The following NEBL variants were observed in gnomAD, a reference collection of about 807,000 sequenced individuals.
NEBL encodes the protein nebulette.
Under a neutral mutation model 140.2 loss-of-function variants are expected in NEBL, and 122 were observed. The ratio of observed to expected loss-of-function variants is 0.87; its 90% CI spans 0.75 to 1.01. The LOEUF is 1.01. Ranked by LOEUF, NEBL falls within the 50% of genes least tolerant of loss-of-function variation. The pLI is 0.00. For synonymous variants in NEBL, 436 were observed against 398.9 expected, an observed-to-expected ratio of 1.09 and a Z score of -1.11; for missense variants, 1,365 against 1,231.3, an observed-to-expected ratio of 1.11 and a Z score of -1.62.
At chr10:20,965,134 C>T (rs1432170214) in intron 3 of NEBL, among the ~76,000 whole-genome samples, 1 of 152,210 alleles carries the variant, frequency 6.6e-6, no homozygotes, top group East Asian at 1.9e-4. Flanking sequence ...CAAATCTTTA[C>T]TGAGCACCTA....
Position 20,947,712 on chromosome 10 carries a change from CA to C in NEBL, c.357+13959del, listed in dbSNP as rs1349539821. On this transcript the variant is annotated intron_variant, in intron 4 of 6. Transcript: ENST00000417816. Reference sequence around the variant, plus strand: ...ACACACACACACACACACACACACACACACAGTGTCAGGAGACAAAAGGGTA... The same window carrying C: ...ACACACACACACACACACACACACACCACAGTGTCAGGAGACAAAAGGGTA... Among the ~76,000 whole-genome samples the C allele has an allele frequency of 2.6e-5, 4 of 151,828 alleles. No homozygotes were observed. In the South Asian group the frequency reaches 8.3e-4, roughly 32 times the overall value.
chr10:21,095,422 T>C (rs1837140839), intron 2 of NEBL, among the ~76,000 whole-genome samples: 1 of 152,202 alleles, frequency 6.6e-6, no homozygotes, highest in South Asian at 2.1e-4. Flanking sequence ...GATGTAGAAT[T>C]TTAAAATTCT....
intron 2 of NEBL, among the ~76,000 whole-genome samples, chr10:21,023,080 C>T (rs1433210875): frequency 1.3e-5 from 2 of 152,180 alleles, no homozygotes; most frequent in Non-Finnish European, 2.9e-5. Flanking sequence ...TTGAACTTTA[C>T]TGAACTTTAA....
chr10:20,982,271 C>CT (rs1244299950), intron 3 of NEBL, among the ~76,000 whole-genome samples: 5 of 152,216 alleles, frequency 3.3e-5, no homozygotes, highest in Non-Finnish European at 5.9e-5. Flanking sequence ...TCAGATGGGA[C>CT]TCCCCCTCTC....
In NEBL at chr10:21,153,552, G is replaced by A. The variant is rs538113650; in HGVS notation, c.164+18831C>T. Among the ~76,000 whole-genome samples the A allele has an allele frequency of 7.9e-5, 12 of 151,496 alleles. No homozygotes were observed. In the East Asian group the frequency reaches 1.2e-3, roughly 15 times the overall value. ...ATTATATATGTATTAATTTTGAGAC[G>A]GAGTCTCACTGTATCTCCCAGGCTG... On this transcript the variant is annotated intron_variant, in intron 2 of 6. Transcript: ENST00000417816.
intron 2 of NEBL, among the ~76,000 whole-genome samples, chr10:21,062,508 AAAAAATAAAAAAT>A (rs527343556): frequency 2.0e-5 from 3 of 151,900 alleles, no homozygotes; most frequent in African/African-American, 7.3e-5. Flanking sequence ...AAAAAAAATT[AAAAAATAAAAAAT>A]AAAAATAAAA....
chr10:21,155,061 T>C (rs1840288093), intron 2 of NEBL, among the ~76,000 whole-genome samples: 1 of 151,930 alleles, frequency 6.6e-6, no homozygotes, highest in Non-Finnish European at 1.5e-5. Flanking sequence ...TAGCCAGGGG[T>C]GATGGTGCAC....
rs77463307 is a variant in NEBL, at chr10:20,989,249, A to G, written c.250-27470T>C. 4.1e-4 allele frequency among the ~76,000 whole-genome samples: 62 copies of G among 152,132 alleles called. No homozygotes were observed. In the East Asian group the frequency reaches 0.011, roughly 27 times the overall value. ...TAAAATCACCATTTCCCCCCAACTTACCTAGTTTAAAAACATATTTAATCC... is the reference window on the plus strand; with the variant it reads ...TAAAATCACCATTTCCCCCCAACTTGCCTAGTTTAAAAACATATTTAATCC... On this transcript the variant is annotated intron_variant, in intron 3 of 6. Transcript: ENST00000417816.
In NEBL at chr10:20,823,374, G is replaced by C. The variant is rs76852065; in HGVS notation, c.1870-74C>G. ...TTAAAATATTGAGAATTCTTCAATT[G>C]TAACTATTGCATAATTGAATTTTAT... On this transcript the variant is annotated intron_variant, in intron 18 of 27. Transcript: ENST00000377122. 3,843 of 1,076,216 alleles carry C rather than the reference G, an allele frequency of 3.6e-3. 83 individuals are homozygous for C. The African/African-American group carries it at 0.051, about 14-fold the overall frequency. The allele number at this position is 1,076,216 out of a possible 1,614,324, so 66.7% of individuals were successfully genotyped here.
At chr10:21,284,266 T>A (rs200964184) in intron 1 of NEBL, among the ~76,000 whole-genome samples, 1 of 130,168 alleles carries the variant, frequency 7.7e-6, no homozygotes, top group Non-Finnish European at 1.6e-5. Context: ...CAGAATTCAG[T>A]CTGATGATAT....
At chr10:20,969,123 T>G (rs887217659) in intron 3 of NEBL, among the ~76,000 whole-genome samples, 2 of 152,194 alleles carry the variant, frequency 1.3e-5, no homozygotes, top group Admixed American at 1.3e-4. Flanking sequence ...AATCTCACAA[T>G]GTTAGACGGG....
At chr10:21,199,593 T>G (rs978732880) in intron 3 of NEBL, among the ~76,000 whole-genome samples, 1 of 152,126 alleles carries the variant, frequency 6.6e-6, no homozygotes, top group Admixed American at 6.5e-5. Flanking sequence ...TTCAGAGAAG[T>G]GACTGCTTGG....
In NEBL at chr10:20,994,887, G is replaced by A. The variant is rs576406273; in HGVS notation, c.249+25230C>T. 6.9e-3 allele frequency among the ~76,000 whole-genome samples: 1,045 copies of A among 152,238 alleles called. 9 individuals are homozygous for A. The highest frequency in any genetic ancestry group is 0.023 in the African/African-American group (975 of 41,538). On this transcript the variant is annotated intron_variant, in intron 3 of 6. Coordinates refer to the NEBL transcript ENST00000417816. Reference sequence around the variant, plus strand: ...TGGGCTGAGGAGGAGGAGGTAGAGGGGGGGGTTGGTCTTGCTGTCTCAGGA... The same window carrying A: ...TGGGCTGAGGAGGAGGAGGTAGAGGAGGGGGTTGGTCTTGCTGTCTCAGGA...
chr10:20,850,745 G>A (rs1161868514), intron 10 of NEBL, among the ~76,000 whole-genome samples: 1 of 152,146 alleles, frequency 6.6e-6, no homozygotes, highest in Non-Finnish European at 1.5e-5. Flanking sequence ...TCTAGGAGTT[G>A]TATAAAGCAT....
intron 4 of NEBL, among the ~76,000 whole-genome samples, chr10:20,935,406 T>G (rs74120534): frequency 4.5e-4 from 69 of 152,308 alleles, no homozygotes; most frequent in African/African-American, 1.7e-3. Flanking sequence ...CAGCATCTCT[T>G]CATCGAATTC....
intron 2 of NEBL, among the ~76,000 whole-genome samples, chr10:21,084,423 C>G (rs559084027): frequency 6.6e-6 from 1 of 151,994 alleles, no homozygotes; most frequent in South Asian, 2.1e-4. Context: ...ATGGGTAGAG[C>G]AAATATAAAA....
intron 2 of NEBL, among the ~76,000 whole-genome samples, chr10:21,133,729 T>C (rs900952467): frequency 2.0e-5 from 3 of 152,210 alleles, no homozygotes; most frequent in Admixed American, 6.5e-5. Context: ...AGGAAACCTA[T>C]GTCTCAAAAT....
chr10:21,192,709 G>A (rs1335217012), intron 3 of NEBL, among the ~76,000 whole-genome samples: 1 of 151,432 alleles, frequency 6.6e-6, no homozygotes, highest in African/African-American at 2.4e-5. Flanking sequence ...GCTGGGCATG[G>A]TGGTGCGTGC....
chr10:20,842,863 C>T lies in NEBL; in HGVS notation c.1228-2014G>A, dbSNP rs534455223. 5.3e-5 allele frequency among the ~76,000 whole-genome samples: 8 copies of T among 152,130 alleles called. No homozygotes were observed. In the South Asian group the frequency reaches 1.7e-3, roughly 32 times the overall value. On this transcript the variant is annotated intron_variant, in intron 12 of 27. Transcript: ENST00000377122. ...TTTGAACTCTTTGACTATCACCTTG[C>T]CATTCCTCCCACCCTCCAGCCTCTG...
Sources: gnomAD v4.1 joint callset for allele counts (sites outside exome capture counted in the v4.1 genomes callset) on GRCh38, gnomAD v4.1.1 for gene constraint, MANE v1.5 for transcripts, NCBI Gene and HGNC (gene_info 2026-07-23, HGNC 2026-07-21) for gene names.